ERMARD: variants seen among roughly 807,000 people sequenced by gnomAD.
ERMARD encodes the protein endoplasmic reticulum membrane-associated RNA degradation protein.
ERMARD carries 71 observed loss-of-function variants against 83.9 expected under a neutral mutation model. The observed-to-expected ratio is 0.85, with a 90% CI of 0.70 to 1.03. The LOEUF (loss-of-function observed/expected upper bound fraction) is 1.03, where lower values mean the gene tolerates loss of function less well. ERMARD is among the 50% of genes least tolerant of loss of function. The pLI, the probability that ERMARD is intolerant of heterozygous loss-of-function variation, is 0.00. For synonymous variants in ERMARD, 284 were observed against 298.6 expected, an observed-to-expected ratio of 0.95 and a Z score of 0.50; for missense variants, 838 against 810.9, an observed-to-expected ratio of 1.03 and a Z score of -0.41.
chr6:169,751,967 G>A, intron 1 of ERMARD: 2 of 432,086 alleles, frequency 4.6e-6, no homozygotes, highest in Non-Finnish European at 8.1e-6. Flanking sequence ...GGTGGCGCGG[G>A]GGCGGAAAGC....
rs1004513087 is a variant in ERMARD, at chr6:169,764,172, C to G, written c.960+1641C>G. Among the ~76,000 whole-genome samples, 9 of 152,166 alleles carry G rather than the reference C, an allele frequency of 5.9e-5. No individual in the cohort carries two copies. In the East Asian group the frequency reaches 1.7e-3, roughly 29 times the overall value. ...AAACTGAGAAGCCCCCCGCCTGGCTCCTCGGCCCACCCGAGCTCATCTCAC... is the reference window on the plus strand; with the variant it reads ...AAACTGAGAAGCCCCCCGCCTGGCTGCTCGGCCCACCCGAGCTCATCTCAC... On this transcript the variant is annotated intron_variant, in intron 9 of 17. Transcript: ENST00000366773.
chr6:169,764,859 G>A (rs1320338820), intron 9 of ERMARD, among the ~76,000 whole-genome samples: 1 of 152,168 alleles, frequency 6.6e-6, no homozygotes, highest in Non-Finnish European at 1.5e-5. Flanking sequence ...CCACAAAAGC[G>A]ACCTTCCAGA....
chr6:169,775,423 G>A lies in ERMARD; in HGVS notation c.1394+77G>A, dbSNP rs958718312. On this transcript the variant is annotated intron_variant, in intron 14 of 17. Coordinates refer to ENST00000366773, the MANE Select transcript of ERMARD (RefSeq NM_018341.3). ...GTTTCAGCAGCATTTCTTCTTTAAC[G>A]AGGCTGTGGGAAGATAAAAGGGGAA... 6.0e-6 allele frequency: 9 copies of A among 1,490,302 alleles called. No individual in the cohort carries two copies. In the African/African-American group the frequency reaches 6.9e-5, roughly 11 times the overall value. 92.3% of individuals were successfully genotyped at this position (1,490,302 alleles called of 1,614,324 possible).
At chr6:169,768,432 T>C (rs1231767284) in intron 11 of ERMARD, among the ~76,000 whole-genome samples, 1 of 152,224 alleles carries the variant, frequency 6.6e-6, no homozygotes, top group Non-Finnish European at 1.5e-5. Context: ...GTATTTGTGC[T>C]GTAGAACGGA....
At chr6:169,760,109 G>C (rs568212417) in intron 7 of ERMARD, 135 bp downstream of exon 7, 190 of 1,471,854 alleles carry the variant, frequency 1.3e-4, no homozygotes, top group Non-Finnish European at 1.6e-4. Context: ...TTTCAGAGTT[G>C]CTTGAAGAAC....
chr6:169,751,401 G>C (rs1381392714), upstream of ERMARD: 2 of 1,613,992 alleles, frequency 1.2e-6, no homozygotes, highest in Non-Finnish European at 1.7e-6. Context: ...GCCTGCTGAG[G>C]GGTCTGGTTC....
In ERMARD at chr6:169,775,979, G is replaced by A. The variant is rs1284566269; in HGVS notation, c.1434G>A (p.Leu478=). 10 of 1,614,104 alleles carry A rather than the reference G, an allele frequency of 6.2e-6. No homozygotes were observed. Among genetic ancestry groups the A allele is most frequent in the Non-Finnish European group, 8.5e-6 (10 of 1,180,026 alleles). ...DNSETNACHS[L]ITKMTDELYH... ...CTGAAACAAATGCCTGCCACTCTTT[G>A]ATTACAAAAATGACGGATGAGCTGT... Residue 478 remains leucine, a synonymous_variant, in exon 15 of 18, where the codon TTG becomes TTA. Coordinates refer to ENST00000366773, the MANE Select transcript of ERMARD (RefSeq NM_018341.3).
chr6:169,766,771 C>T (rs1792266663), intron 10 of ERMARD, 104 bp downstream of exon 10: 8 of 1,246,106 alleles, frequency 6.4e-6, no homozygotes. Flanking sequence ...AAATCATATA[C>T]TTACAGGAAA....
intron 6 of ERMARD, among the ~76,000 whole-genome samples, chr6:169,759,483 AT>A (rs993856566): frequency 3.0e-4 from 45 of 152,042 alleles, no homozygotes; most frequent in Non-Finnish European, 3.1e-4. Context: ...GCCATGATAC[AT>A]TCTCAGCTCA....
chr6:169,760,597 A>C, intron 7 of ERMARD, 45 bp from the exon 8 acceptor site: 1 of 1,359,012 alleles, frequency 7.4e-7, no homozygotes, highest in Non-Finnish European at 1.0e-6. Flanking sequence ...ATCTTTTTTC[A>C]GTTGATCAGT....
intron 15 of ERMARD, 171 bp from the exon 16 acceptor site, chr6:169,776,284 A>G (rs752993894): frequency 1.1e-4 from 171 of 1,551,088 alleles, no homozygotes; most frequent in Non-Finnish European, 1.4e-4. Flanking sequence ...GTTTGCCACA[A>G]TTCAGTGTGT....
chr6:169,775,717 C>T (rs1002798834), intron 14 of ERMARD, among the ~76,000 whole-genome samples: 13 of 152,220 alleles, frequency 8.5e-5, no homozygotes, highest in African/African-American at 2.4e-4. Flanking sequence ...AGGAAGAATA[C>T]GCAGGTGGTT....
Position 169,776,751 on chromosome 6 carries a change from C to T in ERMARD, c.1739+78C>T, listed in dbSNP as rs17860647. On this transcript the variant is annotated intron_variant, in intron 16 of 17. Transcript: ENST00000366773. ...ACAGATGCAGTTCTAGTCCTCACTT[C>T]CAGACACACACAGTAGCCCCTCACT... is the stretch of plus-strand genomic sequence containing the variant. 361,264 of 1,508,132 alleles carry T rather than the reference C, an allele frequency of 0.24. 46,278 individuals are homozygous for T. The highest frequency in any genetic ancestry group is 0.48 in the African/African-American group (35,092 of 72,816). 93.4% of individuals were successfully genotyped at this position (1,508,132 alleles called of 1,614,324 possible). A position where few individuals can be genotyped will look rare whatever the true frequency, so the allele number is the denominator to read the frequency against.
chr6:169,771,165 CCTCTGCCTCCCGAGTTCAAGCAGTT>C (rs1413766163), intron 12 of ERMARD: 3 of 151,280 alleles, frequency 2.0e-5, no homozygotes, highest in African/African-American at 4.9e-5. Context: ...CTCACTGCAA[CCTCTGCCTCCCGAGTTCAAGCAGTT>C]CTCTGCCTCA....
intron 1 of ERMARD, 75 bp downstream of exon 1, chr6:169,751,738 A>C: frequency 6.8e-7 from 1 of 1,469,260 alleles, no homozygotes; most frequent in Non-Finnish European, 9.0e-7. Flanking sequence ...GTGCTCGGCT[A>C]CGCGGAGTGG....
chr6:169,778,785 C>T (rs1793878531), intron 16 of ERMARD, among the ~76,000 whole-genome samples: 1 of 152,252 alleles, frequency 6.6e-6, no homozygotes, highest in Admixed American at 6.5e-5. Context: ...AGCCTGCTTT[C>T]CTATCGAGGC....
intron 5 of ERMARD, 28 bp downstream of exon 5, chr6:169,756,836 G>A: frequency 6.3e-7 from 1 of 1,594,452 alleles, no homozygotes; most frequent in Non-Finnish European, 8.6e-7. Flanking sequence ...AACTCATGGA[G>A]TATATTAGTC....
intron 12 of ERMARD, chr6:169,770,931 TTTG>T (rs1330677095): frequency 2.0e-5 from 3 of 152,146 alleles, no homozygotes; most frequent in Non-Finnish European, 4.4e-5. Flanking sequence ...TACATATTGC[TTTG>T]TTATTTGTTT....
intron 7 of ERMARD, 28 bp from the exon 8 acceptor site, chr6:169,760,614 G>A: frequency 6.8e-7 from 1 of 1,464,116 alleles, no homozygotes; most frequent in South Asian, 1.2e-5. Context: ...CAGTATGATT[G>A]TGTTTAAAAC....
Sources: allele counts gnomAD v4.1 joint callset (sites outside exome capture counted in the v4.1 genomes callset), GRCh38; gene constraint gnomAD v4.1.1; transcripts MANE v1.5; gene names NCBI Gene and HGNC (gene_info 2026-07-23, HGNC 2026-07-21).